The following ASS1 variants were observed in gnomAD, a reference collection of about 807,000 sequenced individuals.
The protein encoded by ASS1 is argininosuccinate synthase 1.
A neutral mutation model predicts 60.5 loss-of-function variants in ASS1; 58 were observed. That is an observed-to-expected ratio of 0.96 (90% CI 0.78 to 1.19). The LOEUF (loss-of-function observed/expected upper bound fraction) is 1.19. Among genes scored for constraint, ASS1 ranks in the 50% most tolerant of loss-of-function variants. ASS1 has a pLI of 0.00. For synonymous variants in ASS1, 200 were observed against 206.9 expected (o/e 0.97, Z 0.29); for missense variants, 454 against 547.3 (o/e 0.83, Z 1.70).
intron 9 of ASS1, among the ~76,000 whole-genome samples, chr9:130,479,408 T>G (rs1454364783): frequency 2.0e-5 from 3 of 152,056 alleles, no homozygotes; most frequent in Admixed American, 6.5e-5. Flanking sequence ...TGGTGGAGCG[T>G]GAAATTCAAT....
chr9:130,445,341 C>G (rs1390814684), intron 1 of ASS1: 10 of 674,212 alleles, frequency 1.5e-5, no homozygotes, highest in Non-Finnish European at 5.5e-6. Context: ...TCCTCTGTGT[C>G]GTGAAGCCCC....
Position 130,465,054 on chromosome 9 carries a change from ATAT to A in ASS1, c.420+889_420+891del, listed in dbSNP as rs1364294071. ...ATGTTTTATATATATATATATATAT[ATAT>A]TTTTTTTTTTTCTTTTTCTGGAGAC... On this transcript the variant is annotated intron_variant, in intron 5 of 14. Transcript: ENST00000352480. 4.8e-3 allele frequency among the ~76,000 whole-genome samples: 348 copies of A among 71,932 alleles called. 2 individuals carry two copies. The highest frequency in any genetic ancestry group is 0.023 in the African/African-American group (305 of 13,248). 47.2% of individuals were successfully genotyped at this position (71,932 alleles called of 152,430 possible).
At chr9:130,452,085 C>A in intron 1 of ASS1, 139 bp from the exon 2 acceptor site, 2 of 761,254 alleles carry the variant, frequency 2.6e-6, no homozygotes, top group Non-Finnish European at 4.6e-6. Flanking sequence ...GGTGAACATC[C>A]TGTTCCCGAC....
rs745404241 is a variant in ASS1, at chr9:130,458,576, G to A, written c.350G>A (p.Gly117Asp). ...QREGAKYVSH[G>D]ATGKGNDQVR... ...GAGGGGGCCAAGTATGTGTCCCACG[G>A]CGCCACAGGAAAGGTGAGGCACCTG... Residue 117 changes from glycine to aspartate, a missense_variant, in exon 4 of 15, where the codon GGC becomes GAC. Physicochemically the swap from Gly to Asp is moderately conservative, Grantham distance 94 (BLOSUM62 -1). Transcript: ENST00000352480. 1 of 1,612,802 alleles carries A rather than the reference G, an allele frequency of 6.2e-7. No homozygotes were observed. Among genetic ancestry groups the A allele is most frequent in the Non-Finnish European group, 8.5e-7 (1 of 1,179,806 alleles).
chr9:130,472,451 C>T (rs961819745), intron 8 of ASS1, among the ~76,000 whole-genome samples: 3 of 152,160 alleles, frequency 2.0e-5, no homozygotes, highest in African/African-American at 7.2e-5. Flanking sequence ...CCGGGGGTGG[C>T]ATTGTCCTGG....
In ASS1 at chr9:130,490,994, C is replaced by T. The variant is rs1045553584; in HGVS notation, c.970+1530C>T. Reference sequence around the variant, plus strand: ...CTGTGCAAAGTTAGTATTAGTTAATCGAATAGCTACCTGGGCTAAGCTCTC... The same window carrying T: ...CTGTGCAAAGTTAGTATTAGTTAATTGAATAGCTACCTGGGCTAAGCTCTC... On this transcript the variant is annotated intron_variant, in intron 12 of 14. Coordinates refer to ENST00000352480, the MANE Select transcript of ASS1 (RefSeq NM_054012.4). 9.2e-5 allele frequency among the ~76,000 whole-genome samples: 14 copies of T among 152,312 alleles called. No homozygotes were observed. The East Asian group carries it at 1.5e-3, about 17-fold the overall frequency.
chr9:130,476,801 G>T lies in ASS1; in HGVS notation c.598-70G>T. ...ACAGAGGAGAGGGGTGCAGATCCCC[G>T]CGGGAGGTGGGCTGTAGGGTGTCCA... is the stretch of plus-strand genomic sequence containing the variant. On this transcript the variant is annotated intron_variant, in intron 8 of 14. Transcript: ENST00000352480. The surrounding 1 kb of genome is among the most constrained non-coding windows in gnomAD (Gnocchi z 4.9). 7.1e-7 allele frequency: 1 copy of T among 1,418,400 alleles called. No individual in the cohort carries two copies. Among genetic ancestry groups the T allele is most frequent in the Non-Finnish European group, 1.0e-6 (1 of 1,003,394 alleles). The allele number at this position is 1,418,400 out of a possible 1,614,324, so 87.9% of individuals were successfully genotyped here. A position where few individuals can be genotyped will look rare whatever the true frequency, so the allele number is the denominator to read the frequency against.
At chr9:130,473,392 C>A (rs1270246770) in intron 8 of ASS1, among the ~76,000 whole-genome samples, 1 of 152,196 alleles carries the variant, frequency 6.6e-6, no homozygotes, top group Admixed American at 6.5e-5. Flanking sequence ...CTCTCAGGGA[C>A]CCCTCTCAAG....
In ASS1 at chr9:130,501,001, A is replaced by G. The variant is rs1588514433; in HGVS notation, c.1219A>G (p.Ser407Gly). 1 of 1,613,686 alleles carries G rather than the reference A, an allele frequency of 6.2e-7. No individual in the cohort carries two copies. The highest frequency in any genetic ancestry group is 8.5e-7 in the Non-Finnish European group (1 of 1,179,962). The change falls in exon 15 of 15, where the codon AGC (serine) becomes GGC (glycine). Residue 407 changes from serine to glycine, a missense_variant. Physicochemically the swap from Ser to Gly is moderately conservative, Grantham distance 56 (BLOSUM62 0). Coordinates refer to ENST00000352480, the MANE Select transcript of ASS1 (RefSeq NM_054012.4). The stretch of plus-strand genomic sequence containing the variant: ...GCTGAAGGAATATCATCGTCTCCAG[A>G]GCAAGGTCACTGCCAAATAGACCCG... ...LRLKEYHRLQ[S>G]KVTAK
rs957157134 is a variant in ASS1, at chr9:130,476,570, T to C, written c.598-301T>C. On this transcript the variant is annotated intron_variant, in intron 8 of 14. Transcript: ENST00000352480. The surrounding 1 kb of genome is among the most constrained non-coding windows in gnomAD (Gnocchi z 4.9). Reference sequence around the variant, plus strand: ...CCGCCTTGCTCCTCCAAAGTCACACTTTTTCCTGCCTGACTTGTTCCTCTC... The same window carrying C: ...CCGCCTTGCTCCTCCAAAGTCACACCTTTTCCTGCCTGACTTGTTCCTCTC... 3 of 520,564 alleles carry C rather than the reference T, an allele frequency of 5.8e-6. No individual in the cohort carries two copies. Among genetic ancestry groups the C allele is most frequent in the African/African-American group, 5.8e-5 (3 of 52,166 alleles). 32.2% of individuals were successfully genotyped at this position (520,564 alleles called of 1,614,324 possible).
chr9:130,454,311 A>T lies in ASS1; in HGVS notation c.112A>T (p.Ile38Phe). ...CTCCGCTTCTGCTTCTCAGGCCAACATTGGCCAGAAGGAAGACTTCGAGGA... is the reference window on the plus strand; with the variant it reads ...CTCCGCTTCTGCTTCTCAGGCCAACTTTGGCCAGAAGGAAGACTTCGAGGA... ...GYDVIAYLAN[I>F]GQKEDFEEAR... Residue 38 changes from isoleucine to phenylalanine, a missense_variant, in exon 3 of 15, where the codon ATT becomes TTT. Physicochemically the swap from Ile to Phe is conservative, Grantham distance 21. Transcript: ENST00000352480. The T allele has an allele frequency of 6.2e-7, 1 of 1,611,740 alleles. No homozygotes were observed. The highest frequency in any genetic ancestry group is 8.5e-7 in the Non-Finnish European group (1 of 1,179,376).
chr9:130,456,345 A>G (rs1417076510), intron 3 of ASS1, among the ~76,000 whole-genome samples: 2 of 152,072 alleles, frequency 1.3e-5, no homozygotes, highest in African/African-American at 4.8e-5. Context: ...GGGTGCCTGT[A>G]ATCCCAGATG....
At chr9:130,468,414 A>G (rs1417227489) in intron 6 of ASS1, among the ~76,000 whole-genome samples, 2 of 152,042 alleles carry the variant, frequency 1.3e-5, no homozygotes, top group African/African-American at 4.8e-5. Flanking sequence ...CATAATTTAA[A>G]AAAAAATTTT....
At chr9:130,458,904 G>A (rs747820152) in intron 4 of ASS1, among the ~76,000 whole-genome samples, 8 of 152,248 alleles carry the variant, frequency 5.3e-5, no homozygotes, top group Admixed American at 6.5e-5. Flanking sequence ...GTCACTGCGT[G>A]AGTCCCCCAG....
rs775163147 is a variant in ASS1 at position 130,480,419 on chromosome 9, G to C, written c.808G>C (p.Glu270Gln). 5 of 1,614,180 alleles carry C rather than the reference G, an allele frequency of 3.1e-6. No individual in the cohort carries two copies. The highest frequency in any genetic ancestry group is 3.3e-5 in the Admixed American group (2 of 60,030). The change falls in exon 11 of 15, where the codon GAG becomes CAG. Residue 270 changes from glutamate (E) to glutamine (Q), a missense_variant. Coordinates refer to ENST00000352480, the MANE Select transcript of ASS1 (RefSeq NM_054012.4). ...TGGCGTGGGCCGTATTGACATCGTG[G>C]AGAACCGCTTCATTGGAATGAAGTC... ...KHGVGRIDIV[E>Q]NRFIGMKSRG... is the part of the protein sequence containing the mutation.
chr9:130,498,168 T>TAA (rs1358726388), intron 13 of ASS1, among the ~76,000 whole-genome samples: 6 of 152,094 alleles, frequency 3.9e-5, no homozygotes, highest in Non-Finnish European at 7.4e-5. Flanking sequence ...TTTGTTCTTG[T>TAA]AAAAAGTCCA....
At chr9:130,498,799 G>A (rs116674842) in intron 13 of ASS1, among the ~76,000 whole-genome samples, 1,761 of 152,276 alleles carry the variant, frequency 0.012, 31 homozygotes, top group African/African-American at 0.04. Context: ...TGACTGCCAT[G>A]GTTAGGAAGG....
chr9:130,466,919 G>C, intron 6 of ASS1, 120 bp downstream of exon 6: 3 of 1,167,006 alleles, frequency 2.6e-6, no homozygotes, highest in Non-Finnish European at 3.8e-6. Context: ...TGTGATGGGG[G>C]ATTGAACTTC....
intron 4 of ASS1, among the ~76,000 whole-genome samples, chr9:130,460,039 C>A (rs1399452416): frequency 3.3e-5 from 5 of 152,186 alleles, no homozygotes; most frequent in African/African-American, 4.8e-5. Flanking sequence ...ATGCCAAGAG[C>A]CTGGTACAGG....
Sources: gnomAD v4.1 joint callset for allele counts (sites outside exome capture counted in the v4.1 genomes callset) on GRCh38, gnomAD v4.1.1 for gene constraint, Gnocchi (gnomAD v3.1) non-coding constraint, MANE v1.5 for transcripts, NCBI Gene and HGNC (gene_info 2026-07-23, HGNC 2026-07-21) for gene names.